Variants in HMGCLL1 observed in about 807,000 individuals in gnomAD.
HMGCLL1 encodes the protein 3-hydroxymethyl-3-methylglutaryl-CoA lyase, cytoplasmic.
A neutral mutation model predicts 39.1 loss-of-function variants in HMGCLL1; 36 were observed. That is an observed-to-expected ratio of 0.92 (90% CI 0.71 to 1.22). HMGCLL1 has a LOEUF of 1.22. HMGCLL1 is among the 50% of genes most tolerant of loss of function. The probability of loss-of-function intolerance (pLI) is 0.00; values close to 1 mark genes in which losing one functional copy is unlikely to be tolerated. For synonymous variants in HMGCLL1, 149 were observed against 144.0 expected (o/e 1.03, Z -0.25); for missense variants, 451 against 416.5 (o/e 1.08, Z -0.72).
At position 55,579,022 on chromosome 6, in the gene HMGCLL1, G is replaced by A; in HGVS notation, c.34C>T (p.Leu12Phe). 1.2e-6 allele frequency: 2 copies of A among 1,613,320 alleles called. No individual in the cohort carries two copies. The highest frequency in any genetic ancestry group is 1.7e-6 in the Non-Finnish European group (2 of 1,179,686). ...TCCCGGAGAAGCTGCTGGTAGCTGA[G>A]GCAGTGCTTCACCGCGGATGGCACA... ...GNVPSAVKHC[L>F]SYQQLLREHL... is the part of the protein sequence containing the mutation. Residue 12 changes from leucine (L) to phenylalanine (F), a missense_variant, in exon 1 of 9, where the codon CTC becomes TTC. Transcript: ENST00000274901.
At chr6:55,444,298 A>G (rs562631078) in intron 7 of HMGCLL1, among the ~76,000 whole-genome samples, 16 of 152,210 alleles carry the variant, frequency 1.1e-4, no homozygotes, top group African/African-American at 3.9e-4. Flanking sequence ...CCTTTCTAGA[A>G]ATATTTAACA....
chr6:55,638,897 C>G, the HMGCLL1 span, among the ~76,000 whole-genome samples: 2 of 152,058 alleles, frequency 1.3e-5, no homozygotes, highest in African/African-American at 4.8e-5. Flanking sequence ...TAAATTTATA[C>G]CATATGGTTC....
chr6:55,571,569 G>A (rs1581963953), intron 1 of HMGCLL1, among the ~76,000 whole-genome samples: 1 of 152,228 alleles, frequency 6.6e-6, no homozygotes, highest in African/African-American at 2.4e-5. Context: ...ACTTTGGGAG[G>A]CCGGGGCAGG....
At chr6:55,525,058 G>A (rs1293928377) in intron 3 of HMGCLL1, among the ~76,000 whole-genome samples, 1 of 151,356 alleles carries the variant, frequency 6.6e-6, no homozygotes. Flanking sequence ...GTATTTAAAG[G>A]CTCTTCCTGA....
At chr6:55,639,563 T>A in the HMGCLL1 span, among the ~76,000 whole-genome samples, 1 of 151,888 alleles carries the variant, frequency 6.6e-6, no homozygotes, top group Non-Finnish European at 1.5e-5. Context: ...AAAGAGCATA[T>A]CATAAAGACA....
chr6:55,571,715 A>AG (rs961112458), intron 1 of HMGCLL1, among the ~76,000 whole-genome samples: 1 of 152,110 alleles, frequency 6.6e-6, no homozygotes, highest in Non-Finnish European at 1.5e-5. Flanking sequence ...AGGCTGAGGT[A>AG]GGAGAACTGC....
chr6:55,520,498 G>A (rs1216167572), intron 3 of HMGCLL1, among the ~76,000 whole-genome samples: 1 of 151,912 alleles, frequency 6.6e-6, no homozygotes, highest in Non-Finnish European at 1.5e-5. Flanking sequence ...GTAAAGGCAA[G>A]TAAGTAAAGA....
At chr6:55,510,587 A>G (rs896071865) in intron 5 of HMGCLL1, among the ~76,000 whole-genome samples, 4 of 141,276 alleles carry the variant, frequency 2.8e-5, no homozygotes, top group African/African-American at 1.0e-4. Context: ...TGGGAATTGA[A>G]CAATGAGAAC....
At chr6:55,485,110 C>G (rs868254354) in intron 7 of HMGCLL1, among the ~76,000 whole-genome samples, 29 of 152,032 alleles carry the variant, frequency 1.9e-4, no homozygotes, top group Admixed American at 5.9e-4. Flanking sequence ...TGGAGTAATA[C>G]CCACATCTTC....
chr6:55,497,290 G>C (rs1158518033), intron 6 of HMGCLL1, among the ~76,000 whole-genome samples: 1 of 151,428 alleles, frequency 6.6e-6, no homozygotes. Flanking sequence ...CCTTCTTTTA[G>C]CATATTTTCT....
At chr6:55,622,722 T>A in the HMGCLL1 span, among the ~76,000 whole-genome samples, 533 of 152,210 alleles carry the variant, frequency 3.5e-3, 2 homozygotes, top group Middle Eastern at 0.01. Context: ...GTAATTTTCT[T>A]TTTTTGTTTT....
chr6:55,463,552 T>G (rs992469512), intron 7 of HMGCLL1, among the ~76,000 whole-genome samples: 1 of 152,150 alleles, frequency 6.6e-6, no homozygotes, highest in Non-Finnish European at 1.5e-5. Flanking sequence ...CCTCCTGAAG[T>G]GAAATAAATT....
the HMGCLL1 span, among the ~76,000 whole-genome samples, chr6:55,637,714 A>ATGTG: frequency 0.14 from 20,726 of 148,510 alleles, 1,609 homozygotes; most frequent in East Asian, 0.3. Flanking sequence ...ATAATTTGAT[A>ATGTG]TGTGTGTGTG....
intron 4 of HMGCLL1, among the ~76,000 whole-genome samples, chr6:55,514,750 G>C (rs1767647295): frequency 6.6e-6 from 1 of 151,928 alleles, no homozygotes; most frequent in Non-Finnish European, 1.5e-5. Flanking sequence ...CTAATGCTTT[G>C]ATCTTTTTGT....
At chr6:55,549,378 G>GTGTGTGTGTA (rs1377164331) in intron 1 of HMGCLL1, among the ~76,000 whole-genome samples, 1,906 of 138,694 alleles carry the variant, frequency 0.014, 56 homozygotes, top group African/African-American at 0.045. Context: ...ACAGAAGTGT[G>GTGTGTGTGTA]TGTGTGTGTG....
intron 6 of HMGCLL1, among the ~76,000 whole-genome samples, chr6:55,496,438 G>A (rs907480095): frequency 1.3e-5 from 2 of 152,028 alleles, no homozygotes; most frequent in African/African-American, 4.8e-5. Flanking sequence ...AGTACATACT[G>A]AACTATTGTA....
the HMGCLL1 span, among the ~76,000 whole-genome samples, chr6:55,627,328 A>G: frequency 6.6e-6 from 1 of 152,088 alleles, no homozygotes; most frequent in East Asian, 1.9e-4. Flanking sequence ...GTCAGCATTT[A>G]AGTATGGTTG....
At chr6:55,673,386 C>T in the HMGCLL1 span, among the ~76,000 whole-genome samples, 1 of 151,914 alleles carries the variant, frequency 6.6e-6, no homozygotes, top group Admixed American at 6.6e-5. Context: ...TCATGCTCTC[C>T]CTGTGTCCAA....
chr6:55,592,139 C>T, the HMGCLL1 span, among the ~76,000 whole-genome samples: 2 of 152,098 alleles, frequency 1.3e-5, no homozygotes, highest in East Asian at 1.9e-4. Context: ...AGAGATGGGA[C>T]AACAGGCCTA....
Sources: allele counts gnomAD v4.1 joint callset (sites outside exome capture counted in the v4.1 genomes callset), GRCh38; gene constraint gnomAD v4.1.1; transcripts MANE v1.5; gene names NCBI Gene and HGNC (gene_info 2026-07-23, HGNC 2026-07-21).